The following PHACTR4 variants were observed in gnomAD, a reference collection of about 807,000 sequenced individuals.
PHACTR4 encodes protein phosphatase 1, regulatory subunit 124.
PHACTR4 carries 51 observed loss-of-function variants against 72.7 expected under a neutral mutation model. The observed-to-expected ratio is 0.70, with a 90% CI of 0.56 to 0.89. The LOEUF (loss-of-function observed/expected upper bound fraction) is 0.89, where lower values mean the gene tolerates loss of function less well. Among genes scored for constraint, PHACTR4 ranks in the 40% least tolerant of loss-of-function variants. PHACTR4 has a pLI of 0.00. For synonymous variants in PHACTR4, 255 were observed against 302.5 expected, an observed-to-expected ratio of 0.84 and a Z score of 1.63; for missense variants, 731 against 861.8, an observed-to-expected ratio of 0.85 and a Z score of 1.90.
rs1315314721 is a variant in PHACTR4, at chr1:28,486,298, G to A, written c.1761-2872G>A. On this transcript the variant is annotated intron_variant, in intron 9 of 13. Coordinates refer to ENST00000373839, the MANE Select transcript of PHACTR4 (RefSeq NM_001048183.3). ...TTGAACCGGGGAGGCAGAGGTTACA[G>A]TGAGCCAAGATCGGGCCACTGCACT... is the stretch of plus-strand genomic sequence containing the variant. 4.6e-5 allele frequency among the ~76,000 whole-genome samples: 7 copies of A among 151,602 alleles called. No individual in the cohort carries two copies. The East Asian group carries it at 1.4e-3, about 30-fold the overall frequency.
At chr1:28,406,547 A>G (rs1008772817) in intron 1 of PHACTR4, among the ~76,000 whole-genome samples, 5 of 152,200 alleles carry the variant, frequency 3.3e-5, no homozygotes, top group African/African-American at 1.2e-4. Flanking sequence ...GAGCCAGATG[A>G]TTGCTAGTAC....
chr1:28,484,975 G>C (rs776700146), intron 9 of PHACTR4, among the ~76,000 whole-genome samples: 1 of 151,384 alleles, frequency 6.6e-6, no homozygotes, highest in Non-Finnish European at 1.5e-5. Context: ...CGTTTCAAAA[G>C]AAAATATAGT....
In PHACTR4 at chr1:28,466,587, C is replaced by T; in HGVS notation, c.642C>T (p.Ala214=). 1 of 1,614,154 alleles carries T rather than the reference C, an allele frequency of 6.2e-7. No homozygotes were observed. The highest frequency in any genetic ancestry group is 1.1e-5 in the South Asian group (1 of 91,086). The change falls in exon 6 of 14, where the codon GCC becomes GCT. Residue 214 remains alanine (A), a synonymous_variant. Transcript: ENST00000373839. Reference sequence around the variant, plus strand: ...CAGCACCCGCTGCCACCACTGCTGCCACAAGCCTTGCAAAGACTGTTAATC... The same window carrying T: ...CAGCACCCGCTGCCACCACTGCTGCTACAAGCCTTGCAAAGACTGTTAATC... ...ITTAPAATTA[A]TSLAKTVNLS... is the part of the protein sequence containing the mutation.
intron 1 of PHACTR4, among the ~76,000 whole-genome samples, chr1:28,406,207 T>A (rs1288005375): frequency 6.6e-6 from 1 of 152,200 alleles, no homozygotes; most frequent in African/African-American, 2.4e-5. Flanking sequence ...AGTACAAACC[T>A]ATGGAGTTGT....
chr1:28,463,439 T>C (rs1176641697), intron 4 of PHACTR4, among the ~76,000 whole-genome samples: 1 of 152,218 alleles, frequency 6.6e-6, no homozygotes, highest in Non-Finnish European at 1.5e-5. Context: ...CACTTTTGCA[T>C]GTATTTCACT....
chr1:28,442,702 C>T (rs1455999115), intron 2 of PHACTR4, among the ~76,000 whole-genome samples: 1 of 151,928 alleles, frequency 6.6e-6, no homozygotes, highest in Non-Finnish European at 1.5e-5. Context: ...GACGGGGTTT[C>T]GCCATGTTGG....
chr1:28,453,341 A>G lies in PHACTR4; in HGVS notation c.17-5744A>G, dbSNP rs548860084. ...CACCACGGGACCTACAACACGTGCC[A>G]CTAATGATACTGGAATTGCTCTTAA... On this transcript the variant is annotated intron_variant, in intron 2 of 13. Transcript: ENST00000373839. Among the ~76,000 whole-genome samples the G allele has an allele frequency of 8.5e-5, 13 of 152,298 alleles. No individual in the cohort carries two copies. The South Asian group carries it at 2.7e-3, about 32-fold the overall frequency.
At position 28,490,953 on chromosome 1, in the gene PHACTR4, A is replaced by G. The variant is rs1471610245; in HGVS notation, c.1819A>G (p.Lys607Glu). ...ELEQRNILQP[K>E]NEADRQAEKR... ...TTCCTTCTGATTGTCAACTGTAGCT[A>G]AAAATGAAGCTGATCGTCAGGCAGA... Residue 607 changes from lysine (K) to glutamate (E), a missense_variant and splice_region_variant, in exon 11 of 14, where the codon AAA (lysine) becomes GAA (glutamate). Physicochemically the swap from Lys to Glu is moderately conservative, Grantham distance 56. Transcript: ENST00000373839. 6.2e-7 allele frequency: 1 copy of G among 1,613,736 alleles called. No homozygotes were observed. Among genetic ancestry groups the G allele is most frequent in the Non-Finnish European group, 8.5e-7 (1 of 1,179,618 alleles).
intron 1 of PHACTR4, among the ~76,000 whole-genome samples, chr1:28,371,119 G>C (rs1482969360): frequency 6.6e-6 from 1 of 152,052 alleles, no homozygotes; most frequent in Non-Finnish European, 1.5e-5. Context: ...TTGTTTGTTT[G>C]TTTCATTTAA....
rs773777016 is a variant in PHACTR4 at position 28,491,787 on chromosome 1, G to A, written c.2016G>A (p.Lys672=). 1 of 1,612,250 alleles carries A rather than the reference G, an allele frequency of 6.2e-7. No homozygotes were observed. ...GGACCAAACTGACCCCTGCTGACAA[G>A]GTACCTGGAAAGCACTCTCTTGCTT... ...KPWTKLTPAD[K]AAIRKELNEF... is the part of the protein sequence containing the mutation. Residue 672 remains lysine, a splice_region_variant and synonymous_variant, in exon 12 of 14, where the codon AAG becomes AAA. Transcript: ENST00000373839.
At position 28,425,655 on chromosome 1, in the gene PHACTR4, T is replaced by C. The variant is rs150593965; in HGVS notation, c.16+18192T>C. On this transcript the variant is annotated intron_variant, in intron 2 of 13. Transcript: ENST00000373839. The stretch of plus-strand genomic sequence containing the variant: ...TTCTGCATAACTTTTACAAATGTTA[T>C]AGCTAGCTGTCATCAGACACATACT... Among the ~76,000 whole-genome samples the C allele has an allele frequency of 8.2e-3, 1,243 of 152,360 alleles. 11 individuals carry two copies. Among genetic ancestry groups the C allele is most frequent in the South Asian group, 0.026 (126 of 4,832 alleles).
intron 2 of PHACTR4, among the ~76,000 whole-genome samples, chr1:28,456,842 G>T (rs1658417846): frequency 6.6e-6 from 1 of 151,814 alleles, no homozygotes; most frequent in Non-Finnish European, 1.5e-5. Context: ...AGCTGTGATT[G>T]TGCCACTGCA....
At chr1:28,391,394 G>C (rs1020195008) in intron 1 of PHACTR4, among the ~76,000 whole-genome samples, 1 of 150,658 alleles carries the variant, frequency 6.6e-6, no homozygotes, top group African/African-American at 2.4e-5. Context: ...GGGAGATTCT[G>C]TCTCAAAAAA....
At chr1:28,418,387 A>C (rs576361030) in intron 2 of PHACTR4, among the ~76,000 whole-genome samples, 4 of 151,924 alleles carry the variant, frequency 2.6e-5, no homozygotes, top group African/African-American at 9.7e-5. Context: ...AGGCTGAGGC[A>C]GGAGAAACAT....
chr1:28,375,547 A>G (rs1322600107), intron 1 of PHACTR4, among the ~76,000 whole-genome samples: 2 of 151,738 alleles, frequency 1.3e-5, no homozygotes, highest in Non-Finnish European at 2.9e-5. Context: ...TCAGCCAGGC[A>G]TGGTAGTGGA....
At position 28,489,228 on chromosome 1, in the gene PHACTR4, G is replaced by A. The variant is rs1291271571; in HGVS notation, c.1816+3G>A. The A allele has an allele frequency of 3.1e-6, 5 of 1,608,404 alleles. No homozygotes were observed. Among genetic ancestry groups the A allele is most frequent in the Non-Finnish European group, 4.3e-6 (5 of 1,175,960 alleles). ...AGAACAACGCAATATATTGCAACGT[G>A]AGTCCAGTTATGGAAATAAAGTTGT... On this transcript the variant is annotated splice_donor_region_variant and intron_variant, in intron 10 of 13. Coordinates refer to ENST00000373839, the MANE Select transcript of PHACTR4 (RefSeq NM_001048183.3).
At chr1:28,479,584 G>GAA (rs1170640129) in intron 8 of PHACTR4, among the ~76,000 whole-genome samples, 13 of 84,600 alleles carry the variant, frequency 1.5e-4, no homozygotes, top group East Asian at 4.1e-4. Context: ...CTCCGCCTCA[G>GAA]AAAAAAAAAA....
chr1:28,421,928 A>G (rs781511018), intron 2 of PHACTR4, among the ~76,000 whole-genome samples: 17 of 152,206 alleles, frequency 1.1e-4, no homozygotes, highest in Non-Finnish European at 1.6e-4. Context: ...ACCCCACCCC[A>G]AAGGTGAATG....
intron 2 of PHACTR4, among the ~76,000 whole-genome samples, chr1:28,431,159 A>G (rs1656233859): frequency 6.8e-6 from 1 of 147,386 alleles, no homozygotes; most frequent in Non-Finnish European, 1.5e-5. Flanking sequence ...AGCCTGGGCC[A>G]CAGAGCGAGA....
Sources: allele counts gnomAD v4.1 joint callset (sites outside exome capture counted in the v4.1 genomes callset), GRCh38; gene constraint gnomAD v4.1.1; transcripts MANE v1.5; gene names NCBI Gene and HGNC (gene_info 2026-07-23, HGNC 2026-07-21).